Variants in GLIS3 observed in about 807,000 individuals in gnomAD.
GLIS3 encodes the protein GLIS family zinc finger 3, also known as zinc finger protein GLIS3.
Under a neutral mutation model 78.6 loss-of-function variants are expected in GLIS3, and 53 were observed. That is an observed-to-expected ratio of 0.67 (90% CI 0.54 to 0.85). The LOEUF (loss-of-function observed/expected upper bound fraction) is 0.85. Ranked by LOEUF, GLIS3 falls within the 40% of genes least tolerant of loss-of-function variation. The pLI is 0.00. For missense variants in GLIS3, 1,703 were observed against 1,231.1 expected (o/e 1.38, Z -5.74); for synonymous variants, 684 against 509.9 (o/e 1.34, Z -4.60).
the GLIS3 span, among the ~76,000 whole-genome samples, chr9:4,447,041 T>C: frequency 6.6e-6 from 1 of 152,068 alleles, no homozygotes; most frequent in African/African-American, 2.4e-5. Flanking sequence ...CTCTATGCCA[T>C]AATGCTTAAT....
At chr9:4,216,389 C>T (rs1008581235) in intron 2 of GLIS3, among the ~76,000 whole-genome samples, 1 of 149,748 alleles carries the variant, frequency 6.7e-6, no homozygotes, top group Non-Finnish European at 1.5e-5. Context: ...AGGAGAATGG[C>T]GTGAGCTTGC....
At chr9:4,127,085 A>C (rs1268510077) in intron 2 of GLIS3, among the ~76,000 whole-genome samples, 8 of 152,160 alleles carry the variant, frequency 5.3e-5, no homozygotes, top group Non-Finnish European at 1.2e-4. Flanking sequence ...AGAACAAACA[A>C]GACATTGGAG....
intron 4 of GLIS3, among the ~76,000 whole-genome samples, chr9:4,077,813 A>T (rs541511675): frequency 6.6e-6 from 1 of 152,112 alleles, no homozygotes; most frequent in Non-Finnish European, 1.5e-5. Context: ...CATTTTGCCA[A>T]CACTCCCAGA....
the GLIS3 span, among the ~76,000 whole-genome samples, chr9:4,483,859 C>T: frequency 6.6e-6 from 1 of 152,074 alleles, no homozygotes; most frequent in Non-Finnish European, 1.5e-5. Flanking sequence ...GCTTCAGTTT[C>T]CTCAGCTGTA....
intron 4 of GLIS3, among the ~76,000 whole-genome samples, chr9:4,106,619 T>C (rs976781948): frequency 2.0e-5 from 3 of 152,196 alleles, no homozygotes; most frequent in African/African-American, 4.8e-5. Flanking sequence ...TGCCAGTTCA[T>C]GACCAAAAGC....
chr9:4,349,427 C>A (rs991412313), upstream of GLIS3, among the ~76,000 whole-genome samples: 2 of 152,072 alleles, frequency 1.3e-5, no homozygotes, highest in African/African-American at 4.8e-5. Context: ...TCCTGGCATG[C>A]ACATTGCATA....
chr9:4,179,224 A>G (rs915570984), intron 2 of GLIS3, among the ~76,000 whole-genome samples: 7 of 152,372 alleles, frequency 4.6e-5, no homozygotes, highest in African/African-American at 1.7e-4. Flanking sequence ...CTTATTAGCA[A>G]TTTGAAAGCA....
chr9:4,261,237 C>G (rs1825497386), intron 2 of GLIS3, among the ~76,000 whole-genome samples: 1 of 152,184 alleles, frequency 6.6e-6, no homozygotes, highest in Non-Finnish European at 1.5e-5. Context: ...ATGCTCCACT[C>G]AGGTGCAGAA....
At chr9:3,987,237 G>T (rs911210544) in intron 4 of GLIS3, among the ~76,000 whole-genome samples, 2 of 152,008 alleles carry the variant, frequency 1.3e-5, no homozygotes, top group African/African-American at 4.8e-5. Flanking sequence ...AAAATTAGTG[G>T]ACTTGAGGGC....
intron 4 of GLIS3, among the ~76,000 whole-genome samples, chr9:4,072,990 C>G (rs1450903534): frequency 1.3e-5 from 2 of 149,750 alleles, no homozygotes; most frequent in Middle Eastern, 3.4e-3. Flanking sequence ...ATTTATAATT[C>G]TTTTTCACTT....
chr9:3,995,597 G>A (rs973134887), intron 4 of GLIS3, among the ~76,000 whole-genome samples: 2 of 151,928 alleles, frequency 1.3e-5, no homozygotes, highest in Non-Finnish European at 2.9e-5. Flanking sequence ...AAGAGGCTGT[G>A]AAAATTGACC....
chr9:4,270,466 G>C (rs993642007), intron 2 of GLIS3, among the ~76,000 whole-genome samples: 1 of 152,142 alleles, frequency 6.6e-6, no homozygotes, highest in Non-Finnish European at 1.5e-5. Context: ...TTGTCAGCTA[G>C]AGCCCCATCT....
chr9:4,336,124 A>G (rs1406914532), intron 2 of GLIS3, among the ~76,000 whole-genome samples: 1 of 152,238 alleles, frequency 6.6e-6, no homozygotes, highest in African/African-American at 2.4e-5. Flanking sequence ...AAGTAGGGTC[A>G]CAATAGCAGT....
At chr9:4,369,204 T>C in the GLIS3 span, among the ~76,000 whole-genome samples, 4 of 152,126 alleles carry the variant, frequency 2.6e-5, no homozygotes, top group African/African-American at 9.7e-5. Context: ...GTCTGATGGA[T>C]TACTCAGCCA....
At chr9:3,895,547 C>T (rs532475559) in intron 7 of GLIS3, among the ~76,000 whole-genome samples, 4 of 152,266 alleles carry the variant, frequency 2.6e-5, no homozygotes, top group South Asian at 2.1e-4. Context: ...TAACCTGGGA[C>T]GCTATTATCT....
chr9:3,855,532 T>A (rs1386108416), intron 9 of GLIS3: 3 of 191,922 alleles, frequency 1.6e-5, no homozygotes, highest in Admixed American at 5.3e-5. Flanking sequence ...AAAATCAGAG[T>A]TTAGAGCCTG....
At chr9:4,137,856 CA>C (rs757786661) in intron 2 of GLIS3, among the ~76,000 whole-genome samples, 1 of 152,138 alleles carries the variant, frequency 6.6e-6, no homozygotes, top group Non-Finnish European at 1.5e-5. Flanking sequence ...CCTGGAAAAC[CA>C]AAGAGGAAAT....
Position 3,870,646 on chromosome 9 carries a change from G to A in GLIS3, c.2297+8781C>T, listed in dbSNP as rs148740624. ...CCCCCTGATAAAACCATCAGGTCTC[G>A]TGAGACTTATTCACTACCATGAGAA... On this transcript the variant is annotated intron_variant, in intron 8 of 10. Coordinates refer to ENST00000381971, the MANE Select transcript of GLIS3 (RefSeq NM_001042413.2). Among the ~76,000 whole-genome samples, 674 of 152,286 alleles carry A rather than the reference G, an allele frequency of 4.4e-3. 4 individuals are homozygous for A. Among genetic ancestry groups the A allele is most frequent in the African/African-American group, 0.016 (654 of 41,540 alleles).
chr9:4,098,374 G>C (rs1239561577), intron 4 of GLIS3, among the ~76,000 whole-genome samples: 1 of 152,192 alleles, frequency 6.6e-6, no homozygotes, highest in Non-Finnish European at 1.5e-5. Flanking sequence ...TGGAGGAGTA[G>C]AAGATGAATG....
Sources: allele counts gnomAD v4.1 joint callset (sites outside exome capture counted in the v4.1 genomes callset), GRCh38; gene constraint gnomAD v4.1.1; transcripts MANE v1.5; gene names NCBI Gene and HGNC (gene_info 2026-07-23, HGNC 2026-07-21).